Variants in NECAB3 observed in about 807,000 individuals in gnomAD.
The protein encoded by NECAB3 is N-terminal EF-hand calcium binding protein 3, also known as N-terminal EF-hand calcium-binding protein 3.
A neutral mutation model predicts 57.2 loss-of-function variants in NECAB3; 38 were observed. That is an observed-to-expected ratio of 0.66 (90% CI 0.51 to 0.87). NECAB3 has a LOEUF of 0.87. Ranked by LOEUF, NECAB3 falls within the 40% of genes least tolerant of loss-of-function variation. The pLI is 0.00. For missense variants in NECAB3, 474 were observed against 527.5 expected (o/e 0.90, Z 0.99); for synonymous variants, 223 against 222.6 (o/e 1.00, Z -0.02).
At chr20:33,668,165 A>G in intron 5 of NECAB3, 1 of 1,612,452 alleles carries the variant, frequency 6.2e-7, no homozygotes, top group Non-Finnish European at 8.5e-7. Context: ...CACTCCTTCC[A>G]GCGCCGCTGG....
chr20:33,663,314 G>A, intron 5 of NECAB3: 1 of 569,632 alleles, frequency 1.8e-6, no homozygotes, highest in East Asian at 3.2e-5. Flanking sequence ...TTCCAGAAAG[G>A]AGGCGGAGTC....
At chr20:33,670,493 G>A (rs999518997) in intron 3 of NECAB3, 191 bp downstream of exon 3, 2 of 465,148 alleles carry the variant, frequency 4.3e-6, no homozygotes, top group African/African-American at 2.0e-5. Context: ...GGTCCCAGCT[G>A]GAAGCAGTGT....
At chr20:33,665,835 C>T (rs944560710) in intron 5 of NECAB3, among the ~76,000 whole-genome samples, 4 of 152,196 alleles carry the variant, frequency 2.6e-5, no homozygotes, top group Non-Finnish European at 4.4e-5. Flanking sequence ...GTAATCCTAG[C>T]ACTTTGGGAG....
At chr20:33,658,689 A>C in intron 9 of NECAB3, 33 bp downstream of exon 9, 1 of 1,605,726 alleles carries the variant, frequency 6.2e-7, no homozygotes, top group East Asian at 2.2e-5. Context: ...CCCCCTCCCC[A>C]CTGGCCATCC....
At chr20:33,669,781 C>T in intron 3 of NECAB3, 69 bp from the exon 4 acceptor site, 1 of 1,475,400 alleles carries the variant, frequency 6.8e-7, no homozygotes, top group South Asian at 1.3e-5. Context: ...GGCCAATGCC[C>T]CACATCCCAC....
intron 3 of NECAB3, 42 bp downstream of exon 3, chr20:33,670,642 A>T (rs557013408): frequency 6.9e-7 from 1 of 1,445,666 alleles, no homozygotes; most frequent in East Asian, 2.3e-5. Context: ...GGGTAAAGAC[A>T]ACCTGGCCTC....
chr20:33,667,674 G>A (rs780507271), intron 5 of NECAB3: 2 of 1,611,702 alleles, frequency 1.2e-6, no homozygotes, highest in East Asian at 2.2e-5. Context: ...TGCGGGATCT[G>A]CTGGTGGCGG....
chr20:33,658,891 G>A, intron 8 of NECAB3, 57 bp from the exon 9 acceptor site: 1 of 1,281,926 alleles, frequency 7.8e-7, no homozygotes, highest in Non-Finnish European at 1.1e-6. Context: ...GGAGGGACTG[G>A]CTGTGGCCTC....
chr20:33,659,652 C>A lies in NECAB3; in HGVS notation c.724G>T (p.Val242Leu), dbSNP rs2017397338. 1 of 1,611,124 alleles carries A rather than the reference C, an allele frequency of 6.2e-7. No homozygotes were observed. Reference protein sequence around the residue: ...QELIDQLECKVRAVGPGPHKG... With the variant: ...QELIDQLECKLRAVGPGPHKG... ...TGGGGCCCTGGCCCCACGGCCCTCA[C>A]CTTGCACTCGAGCTGGTCGATGAGC... is the stretch of plus-strand genomic sequence containing the variant. Residue 242 changes from valine (V) to leucine (L), a missense_variant, in exon 8 of 12, where the codon GTG becomes TTG. Transcript: ENST00000246190.
chr20:33,657,649 T>G lies in NECAB3; in HGVS notation c.*180A>C. ...ACAAACAATAAAATACAGGGATAAA[T>G]AAATCAATAATAAATAGAAAGCAAG... On this transcript the variant is annotated 3_prime_UTR_variant, in exon 12 of 12. Transcript: ENST00000246190. 1 of 588,052 alleles carries G rather than the reference T, an allele frequency of 1.7e-6. No individual in the cohort carries two copies. The highest frequency in any genetic ancestry group is 2.8e-6 in the Non-Finnish European group (1 of 353,356). 36.4% of individuals were successfully genotyped at this position (588,052 alleles called of 1,614,324 possible).
intron 5 of NECAB3, chr20:33,663,953 CG>C: frequency 8.2e-7 from 1 of 1,222,466 alleles, no homozygotes; most frequent in East Asian, 3.1e-5. Flanking sequence ...GGCGCGGAGT[CG>C]GGGTGGGCAA....
At chr20:33,667,527 C>G (rs1423505731) in intron 5 of NECAB3, 1 of 1,536,458 alleles carries the variant, frequency 6.5e-7, no homozygotes, top group South Asian at 1.2e-5. Context: ...TGGCGCTCTG[C>G]TCCACCGGCG....
At chr20:33,671,677 G>A (rs1407607519) in intron 2 of NECAB3, among the ~76,000 whole-genome samples, 1 of 152,214 alleles carries the variant, frequency 6.6e-6, no homozygotes, top group Non-Finnish European at 1.5e-5. Flanking sequence ...TCTAGGGGGA[G>A]CAGCCTGTTG....
rs747783223 is a variant in NECAB3, at chr20:33,658,071, A to T, written c.1071-38T>A. 2.6e-6 allele frequency: 4 copies of T among 1,523,280 alleles called. No homozygotes were observed. The African/African-American group carries it at 5.5e-5, about 21-fold the overall frequency. 94.4% of individuals were successfully genotyped at this position (1,523,280 alleles called of 1,614,324 possible). A position where few individuals can be genotyped will look rare whatever the true frequency, so the allele number is the denominator to read the frequency against. ...AGGCTACAGTGACCTCGCTCTCCCC[A>T]CTCCCGCCCCATCCTGCTGCCAGGA... On this transcript the variant is annotated intron_variant, in intron 10 of 11. Coordinates refer to ENST00000246190, the MANE Select transcript of NECAB3 (RefSeq NM_031232.4).
intron 1 of NECAB3, among the ~76,000 whole-genome samples, chr20:33,673,806 G>A (rs1237641382): frequency 6.6e-6 from 1 of 152,160 alleles, no homozygotes; most frequent in Non-Finnish European, 1.5e-5. Context: ...CTTACCAACT[G>A]TAGGACTCTG....
chr20:33,672,120 C>T, intron 2 of NECAB3: 1 of 531,044 alleles, frequency 1.9e-6, no homozygotes, highest in Non-Finnish European at 3.4e-6. Flanking sequence ...AACAGAGGGC[C>T]ACGTACAGGA....
chr20:33,658,901 C>T (rs938147527), intron 8 of NECAB3, 67 bp from the exon 9 acceptor site: 2 of 1,125,714 alleles, frequency 1.8e-6, no homozygotes, highest in African/African-American at 1.5e-5. Flanking sequence ...GCTGTGGCCT[C>T]CAGGAGGTTC....
At chr20:33,663,951 G>C (rs1033774661) in intron 5 of NECAB3, 6 of 1,235,514 alleles carry the variant, frequency 4.9e-6, no homozygotes, top group Non-Finnish European at 6.3e-6. Flanking sequence ...TGGGCGCGGA[G>C]TCGGGGTGGG....
intron 5 of NECAB3, chr20:33,668,009 T>C (rs1386217027): frequency 1.3e-6 from 2 of 1,542,784 alleles, no homozygotes; most frequent in African/African-American, 1.4e-5. Context: ...GGCTCCACAC[T>C]GTTTCCTGGC....
Sources: allele counts gnomAD v4.1 joint callset (sites outside exome capture counted in the v4.1 genomes callset), GRCh38; gene constraint gnomAD v4.1.1; transcripts MANE v1.5; gene names NCBI Gene and HGNC (gene_info 2026-07-23, HGNC 2026-07-21).